The following RREB1 variants were observed in gnomAD, a reference collection of about 807,000 sequenced individuals.
The protein encoded by RREB1 is ras-responsive element-binding protein 1.
Under a neutral mutation model 117.8 loss-of-function variants are expected in RREB1, and 27 were observed. The observed-to-expected ratio is 0.23, with a 90% confidence interval of 0.17 to 0.32. The LOEUF (loss-of-function observed/expected upper bound fraction) is 0.32. RREB1 is among the 10% of genes least tolerant of loss of function. RREB1 has a pLI of 1.00. For synonymous variants in RREB1, 1,298 were observed against 1,026.7 expected, an observed-to-expected ratio of 1.26 and a Z score of -5.05; for missense variants, 2,577 against 2,378.2, an observed-to-expected ratio of 1.08 and a Z score of -1.74.
Position 7,150,431 on chromosome 6 carries a change from A to G in RREB1, c.-284-26224A>G, listed in dbSNP as rs573815918. The stretch of plus-strand genomic sequence containing the variant: ...TTTGTGTGTTTTGGGTTTTTTCTCC[A>G]TAAGAGAAATTGTTCCCTTTGAAAT... On this transcript the variant is annotated intron_variant, in intron 1 of 12. Coordinates refer to ENST00000379938, the MANE Select transcript of RREB1 (RefSeq NM_001003699.4). Among the ~76,000 whole-genome samples, 6 of 152,320 alleles carry G rather than the reference A, an allele frequency of 3.9e-5. No individual in the cohort carries two copies. In the East Asian group the frequency reaches 1.2e-3, roughly 29 times the overall value.
At chr6:7,115,218 T>G (rs1761339598) in intron 1 of RREB1, among the ~76,000 whole-genome samples, 1 of 150,528 alleles carries the variant, frequency 6.6e-6, no homozygotes, top group African/African-American at 2.5e-5. Flanking sequence ...AGGGAGGGAG[T>G]AAGGGGATGC....
intron 1 of RREB1, among the ~76,000 whole-genome samples, chr6:7,132,708 A>AT (rs1230122025): frequency 8.8e-4 from 132 of 150,064 alleles, no homozygotes; most frequent in Non-Finnish European, 1.2e-3. Context: ...CTTTTAACAG[A>AT]TTTTTTTTTT....
chr6:7,181,307 T>C (rs576261208), intron 3 of RREB1, 61 bp downstream of exon 3: 47 of 400,108 alleles, frequency 1.2e-4, no homozygotes, highest in Non-Finnish European at 2.0e-4. Flanking sequence ...ACCTGCTTTA[T>C]ACATATTTTT....
chr6:7,112,967 T>C (rs1761217585), intron 1 of RREB1, among the ~76,000 whole-genome samples: 1 of 152,122 alleles, frequency 6.6e-6, no homozygotes, highest in Admixed American at 6.5e-5. Context: ...GTGCATCTTA[T>C]TTCTGGTGGG....
chr6:7,192,768 A>C (rs1765477092), intron 6 of RREB1, among the ~76,000 whole-genome samples: 1 of 152,018 alleles, frequency 6.6e-6, no homozygotes. Context: ...ATTTCCCTCT[A>C]TTCTGTTCTC....
Position 7,181,153 on chromosome 6 carries a change from C to G in RREB1, c.-136C>G. On this transcript the variant is annotated 5_prime_UTR_variant, in exon 3 of 13. Coordinates refer to ENST00000379938, the MANE Select transcript of RREB1 (RefSeq NM_001003699.4). ...AACGAGTACTACCAAGAGAAGAAGA[C>G]AAGAGGTCAACACAGACTCATTTTC... is the stretch of plus-strand genomic sequence containing the variant. 1 of 398,550 alleles carries G rather than the reference C, an allele frequency of 2.5e-6. No homozygotes were observed. 24.7% of individuals were successfully genotyped at this position (398,550 alleles called of 1,614,324 possible).
rs977289526 is a variant in RREB1 at position 7,126,624 on chromosome 6, A to T, written c.-285+18564A>T. Among the ~76,000 whole-genome samples the T allele has an allele frequency of 3.9e-5, 6 of 152,238 alleles. No homozygotes were observed. In the East Asian group the frequency reaches 1.2e-3, roughly 29 times the overall value. On this transcript the variant is annotated intron_variant, in intron 1 of 12. Coordinates refer to ENST00000379938, the MANE Select transcript of RREB1 (RefSeq NM_001003699.4). ...CGTCTTGTGTGCTACCAGCTCAGTT[A>T]TAACTGACCTATCTTCTCTATTTGC... is the stretch of plus-strand genomic sequence containing the variant.
chr6:7,177,723 C>CT (rs1554121049), intron 2 of RREB1, among the ~76,000 whole-genome samples: 4 of 151,810 alleles, frequency 2.6e-5, no homozygotes, highest in Admixed American at 2.6e-4. Context: ...TTTTCTTTTT[C>CT]TGTCTTTCTT....
intron 1 of RREB1, among the ~76,000 whole-genome samples, chr6:7,163,829 C>T (rs1318381735): frequency 6.6e-6 from 1 of 152,238 alleles, no homozygotes; most frequent in Non-Finnish European, 1.5e-5. Context: ...AAAAAGTTTC[C>T]TCGGACATAT....
At chr6:7,130,929 C>CT (rs61305060) in intron 1 of RREB1, among the ~76,000 whole-genome samples, 466 of 45,770 alleles carry the variant, frequency 0.01, 76 homozygotes, top group Middle Eastern at 0.022. Context: ...ATAGTCATGT[C>CT]TTTTTTTTTT....
At chr6:7,184,844 C>T (rs1764997409) in intron 4 of RREB1, 1 of 151,448 alleles carries the variant, frequency 6.6e-6, no homozygotes, top group Non-Finnish European at 1.5e-5. Flanking sequence ...GTATTTACAT[C>T]CTATTGATGT....
At chr6:7,109,605 C>T (rs1342247738) in intron 1 of RREB1, among the ~76,000 whole-genome samples, 1 of 152,222 alleles carries the variant, frequency 6.6e-6, no homozygotes, top group African/African-American at 2.4e-5. Context: ...TCGCGCCCCT[C>T]GGCCGCCGTG....
rs113959279 is a variant in RREB1, at chr6:7,191,409, C to T, written c.425+2087C>T. Among the ~76,000 whole-genome samples, 22 of 152,232 alleles carry T rather than the reference C, an allele frequency of 1.4e-4. 2 individuals carry two copies. The highest frequency in any genetic ancestry group is 4.6e-4 in the African/African-American group (19 of 41,548). ...GGTTGTTTCAACTTTTTGGTTATTA[C>T]GAACAAAGCTGCTGTTGACATTGTT... On this transcript the variant is annotated intron_variant, in intron 6 of 12. Transcript: ENST00000379938.
chr6:7,108,338 T>TCCC (rs1187961605), intron 1 of RREB1, among the ~76,000 whole-genome samples: 4 of 150,538 alleles, frequency 2.7e-5, no homozygotes, highest in Non-Finnish European at 5.9e-5. Context: ...CTCCTCCTCC[T>TCCC]CCCCTTCCTC....
In RREB1 at chr6:7,229,985, C is replaced by T. The variant is rs1182922099; in HGVS notation, c.1886C>T (p.Ala629Val). The T allele has an allele frequency of 2.5e-6, 4 of 1,606,978 alleles. No homozygotes were observed. The highest frequency in any genetic ancestry group is 3.4e-6 in the Non-Finnish European group (4 of 1,175,338). The change falls in exon 10 of 13, where the codon GCG (alanine) becomes GTG (valine). Residue 629 changes from alanine (A) to valine (V), a missense_variant. Transcript: ENST00000379938. This position sits in a 1 kb window ranked among gnomAD's most constrained non-coding sequence, Gnocchi z 4.5. ...GGGGAACTCAAGGCCTTCATGACAGCGCCCGGCGGCAAGAAGACGCCCGCC... is the reference window on the plus strand; with the variant it reads ...GGGGAACTCAAGGCCTTCATGACAGTGCCCGGCGGCAAGAAGACGCCCGCC... ...TEGELKAFMTAPGGKKTPAMR... is the reference protein window; with the variant it reads ...TEGELKAFMTVPGGKKTPAMR...
At chr6:7,199,467 C>T (rs1041391023) in intron 6 of RREB1, among the ~76,000 whole-genome samples, 1 of 152,142 alleles carries the variant, frequency 6.6e-6, no homozygotes, top group Admixed American at 6.5e-5. Flanking sequence ...ATTGGGGCAA[C>T]GTAGACTGCA....
At chr6:7,232,183 C>G (rs936588665) in intron 10 of RREB1, among the ~76,000 whole-genome samples, 42 of 152,196 alleles carry the variant, frequency 2.8e-4, no homozygotes, top group Non-Finnish European at 5.9e-5. Context: ...GGTCACAGGC[C>G]CTCAGATCAC....
intron 8 of RREB1, among the ~76,000 whole-genome samples, chr6:7,223,497 G>C (rs534169558): frequency 6.5e-5 from 9 of 137,914 alleles, no homozygotes; most frequent in African/African-American, 2.7e-4. Flanking sequence ...GGAAGCAGAG[G>C]TTGCGGTGAA....
intron 1 of RREB1, among the ~76,000 whole-genome samples, chr6:7,118,669 C>G (rs1761520075): frequency 1.3e-5 from 2 of 152,084 alleles, no homozygotes; most frequent in African/African-American, 2.4e-5. Context: ...TTCTGAGAAC[C>G]ATTTGTTCAA....
Sources: allele counts gnomAD v4.1 joint callset (sites outside exome capture counted in the v4.1 genomes callset), GRCh38; gene constraint gnomAD v4.1.1; non-coding constraint Gnocchi (gnomAD v3.1); transcripts MANE v1.5; gene names NCBI Gene and HGNC (gene_info 2026-07-23, HGNC 2026-07-21).